Variants in RCAN2 observed in about 807,000 individuals in gnomAD.
RCAN2 encodes calcipressin-2.
Under a neutral mutation model 23.6 loss-of-function variants are expected in RCAN2, and 9 were observed. That is an observed-to-expected ratio of 0.38 (90% CI 0.23 to 0.67). The LOEUF (loss-of-function observed/expected upper bound fraction) is 0.67. Ranked by LOEUF, RCAN2 falls within the 30% of genes least tolerant of loss-of-function variation. The probability of loss-of-function intolerance (pLI) is 0.51; values close to 1 mark genes in which losing one functional copy is unlikely to be tolerated. For missense variants in RCAN2, 273 were observed against 302.3 expected (o/e 0.90, Z 0.72); for synonymous variants, 109 against 115.7 (o/e 0.94, Z 0.37).
intron 2 of RCAN2, among the ~76,000 whole-genome samples, chr6:46,408,530 T>C (rs1766469857): frequency 6.6e-6 from 1 of 152,198 alleles, no homozygotes; most frequent in South Asian, 2.1e-4. Context: ...TTTCTAGTAA[T>C]GGTGAAAGAC....
At chr6:46,284,640 G>C (rs950512729) in intron 2 of RCAN2, among the ~76,000 whole-genome samples, 1 of 152,160 alleles carries the variant, frequency 6.6e-6, no homozygotes, top group African/African-American at 2.4e-5. Context: ...TCTGCTGAGG[G>C]GGGAGCCTGA....
At chr6:46,383,183 G>A (rs1007713614) in intron 2 of RCAN2, among the ~76,000 whole-genome samples, 58 of 151,274 alleles carry the variant, frequency 3.8e-4, no homozygotes, top group African/African-American at 1.3e-3. Flanking sequence ...GTGTGTGTGT[G>A]TGTGTGTGTG....
intron 2 of RCAN2, among the ~76,000 whole-genome samples, chr6:46,250,712 T>C (rs950215436): frequency 4.6e-5 from 7 of 152,290 alleles, no homozygotes; most frequent in Middle Eastern, 3.4e-3. Context: ...GTCAGGTTGA[T>C]AGGAGGAGAT....
chr6:46,303,576 A>G (rs181185418), intron 2 of RCAN2, among the ~76,000 whole-genome samples: 36 of 152,012 alleles, frequency 2.4e-4, no homozygotes, highest in Admixed American at 1.1e-3. Flanking sequence ...TATCATTGTA[A>G]CCCCTGCCCA....
At chr6:46,265,666 A>G (rs1561835072) in intron 2 of RCAN2, among the ~76,000 whole-genome samples, 1 of 152,186 alleles carries the variant, frequency 6.6e-6, no homozygotes, top group Admixed American at 6.5e-5. Context: ...CCTCTTGATG[A>G]GTGGAACCTG....
intron 2 of RCAN2, among the ~76,000 whole-genome samples, chr6:46,408,276 G>A (rs1582177810): frequency 1.3e-5 from 2 of 152,218 alleles, no homozygotes; most frequent in African/African-American, 2.4e-5. Flanking sequence ...AGAGCCATCC[G>A]ATATGAGGCT....
intron 2 of RCAN2, among the ~76,000 whole-genome samples, chr6:46,297,633 AT>A (rs1326466457): frequency 6.6e-6 from 1 of 152,114 alleles, no homozygotes; most frequent in Non-Finnish European, 1.5e-5. Context: ...TTAAATTTGA[AT>A]TTGCCTATAT....
rs1764828179 is a variant in RCAN2 at position 46,356,265 on chromosome 6, C to T, written c.225+100487G>A. Among the ~76,000 whole-genome samples, 5 of 152,136 alleles carry T rather than the reference C, an allele frequency of 3.3e-5. No individual in the cohort carries two copies. The South Asian group carries it at 1.0e-3, about 32-fold the overall frequency. ...ACATATCAAAGGCCAGGGCTTGATTCGAATTCCTTCTCTGATATTCATGGA... is the reference window on the plus strand; with the variant it reads ...ACATATCAAAGGCCAGGGCTTGATTTGAATTCCTTCTCTGATATTCATGGA... On this transcript the variant is annotated intron_variant, in intron 2 of 4. Coordinates refer to ENST00000371374, the MANE Select transcript of RCAN2 (RefSeq NM_001251974.2).
intron 2 of RCAN2, among the ~76,000 whole-genome samples, chr6:46,441,745 TAAAACTAAAAAA>T (rs568310936): frequency 6.6e-6 from 1 of 152,166 alleles, no homozygotes; most frequent in Admixed American, 6.5e-5. Flanking sequence ...CAGAAACTGA[TAAAACTAAAAAA>T]ATAAACTACA....
intron 2 of RCAN2, among the ~76,000 whole-genome samples, chr6:46,294,815 ATG>A (rs1358828988): frequency 6.6e-6 from 1 of 152,190 alleles, no homozygotes; most frequent in African/African-American, 2.4e-5. Flanking sequence ...ACTTTTTGTT[ATG>A]TGTCCAACGC....
At chr6:46,418,934 A>G (rs1219682659) in intron 2 of RCAN2, among the ~76,000 whole-genome samples, 1 of 151,804 alleles carries the variant, frequency 6.6e-6, no homozygotes, top group Non-Finnish European at 1.5e-5. Flanking sequence ...CTAAAAATAT[A>G]AAAATTAGCT....
chr6:46,425,406 C>G (rs769362709), intron 2 of RCAN2, among the ~76,000 whole-genome samples: 3 of 152,100 alleles, frequency 2.0e-5, no homozygotes, highest in Non-Finnish European at 4.4e-5. Flanking sequence ...CATCCTTGTA[C>G]CTAAAAAGAG....
intron 2 of RCAN2, chr6:46,325,904 T>G (rs1295735783): frequency 2.0e-6 from 2 of 984,422 alleles, no homozygotes; most frequent in Non-Finnish European, 2.4e-6. Context: ...CAGGAGGGGG[T>G]GAATCTGACA....
intron 2 of RCAN2, among the ~76,000 whole-genome samples, chr6:46,318,523 TC>T (rs1481721826): frequency 6.6e-6 from 1 of 152,138 alleles, no homozygotes; most frequent in Non-Finnish European, 1.5e-5. Context: ...AATTTCTTAG[TC>T]CCCTTCACTC....
intron 2 of RCAN2, among the ~76,000 whole-genome samples, chr6:46,275,720 C>G (rs1445114130): frequency 6.6e-6 from 1 of 152,220 alleles, no homozygotes; most frequent in Non-Finnish European, 1.5e-5. Context: ...GAGACACAGG[C>G]TCTTCTCCAC....
chr6:46,257,566 G>A (rs970631374), intron 2 of RCAN2, among the ~76,000 whole-genome samples: 1 of 152,116 alleles, frequency 6.6e-6, no homozygotes, highest in African/African-American at 2.4e-5. Context: ...AGGGGGAAGA[G>A]CCGCTTATGA....
chr6:46,405,167 T>C (rs147354916), intron 2 of RCAN2, among the ~76,000 whole-genome samples: 3 of 152,214 alleles, frequency 2.0e-5, no homozygotes, highest in South Asian at 2.1e-4. Context: ...GATGTTCAGA[T>C]GTGTTCGGAG....
At chr6:46,273,934 A>C (rs1767603082) in intron 2 of RCAN2, among the ~76,000 whole-genome samples, 1 of 152,040 alleles carries the variant, frequency 6.6e-6, no homozygotes, top group Non-Finnish European at 1.5e-5. Flanking sequence ...TTCTTAGGGC[A>C]AAGTTGGCCT....
At chr6:46,458,887 G>A (rs937377662) in intron 1 of RCAN2, among the ~76,000 whole-genome samples, 3 of 125,756 alleles carry the variant, frequency 2.4e-5, no homozygotes, top group Non-Finnish European at 3.7e-5. Flanking sequence ...ACAGGAAAAC[G>A]CGCGCGCACG....
Sources: gnomAD v4.1 joint callset for allele counts (sites outside exome capture counted in the v4.1 genomes callset) on GRCh38, gnomAD v4.1.1 for gene constraint, MANE v1.5 for transcripts, NCBI Gene and HGNC (gene_info 2026-07-23, HGNC 2026-07-21) for gene names.